SARDH: variants seen among roughly 807,000 people sequenced by gnomAD.
SARDH encodes sarcosine dehydrogenase, mitochondrial.
SARDH carries 95 observed loss-of-function variants against 109.1 expected under a neutral mutation model. The ratio of observed to expected loss-of-function variants is 0.87; its 90% CI spans 0.74 to 1.03. The LOEUF is 1.03. Among genes scored for constraint, SARDH ranks in the 50% least tolerant of loss-of-function variants. The pLI, the probability that SARDH is intolerant of heterozygous loss-of-function variation, is 0.00. For missense variants in SARDH, 1,267 were observed against 1,287.8 expected (o/e 0.98, Z 0.25); for synonymous variants, 572 against 534.8 (o/e 1.07, Z -0.96).
At chr9:133,713,267 G>A (rs1000533106) in intron 8 of SARDH, 143 bp from the exon 9 acceptor site, 7 of 665,174 alleles carry the variant, frequency 1.1e-5, no homozygotes, top group East Asian at 2.7e-5. Context: ...CCTGCTCAGC[G>A]CCACTTCCTC....
At chr9:133,683,022 C>T (rs1359878334) in intron 17 of SARDH, among the ~76,000 whole-genome samples, 1 of 152,240 alleles carries the variant, frequency 6.6e-6, no homozygotes, top group Non-Finnish European at 1.5e-5. Flanking sequence ...GCGGCCCCTG[C>T]ACCCCCTGCA....
chr9:133,731,556 GGCATCCACC>G, intron 3 of SARDH, 72 bp from the exon 4 acceptor site: 2 of 1,477,486 alleles, frequency 1.4e-6, no homozygotes, highest in Non-Finnish European at 1.9e-6. Context: ...TCCCCAACTG[GGCATCCACC>G]GCAAACCCCA....
intron 6 of SARDH, among the ~76,000 whole-genome samples, chr9:133,726,824 C>G (rs183295008): frequency 3.5e-4 from 54 of 152,312 alleles, no homozygotes; most frequent in African/African-American, 1.3e-3. Flanking sequence ...ACTTCACAAC[C>G]CTCTGTCCTT....
intron 19 of SARDH, among the ~76,000 whole-genome samples, chr9:133,667,354 T>TG: frequency 6.6e-6 from 1 of 151,582 alleles, no homozygotes; most frequent in East Asian, 1.9e-4. Context: ...TTAATAGAGA[T>TG]GGGGTTTCAT....
chr9:133,675,980 C>G (rs1830496504), intron 17 of SARDH, among the ~76,000 whole-genome samples: 1 of 151,930 alleles, frequency 6.6e-6, no homozygotes, highest in Non-Finnish European at 1.5e-5. Context: ...GTAGTCCCAG[C>G]TACTTGGAAG....
Position 133,712,591 on chromosome 9 carries a change from C to T in SARDH, c.1328+28G>A, listed in dbSNP as rs905163419. On this transcript the variant is annotated intron_variant, in intron 10 of 20. Transcript: ENST00000439388. This position sits in a 1 kb window ranked among gnomAD's most constrained non-coding sequence, Gnocchi z 4.1. ...CGCCACCTGTCCTGAGTGGCGGGCC[C>T]TGCCCTTAGGTCCCAATGGGCACTT... The T allele has an allele frequency of 5.1e-6, 8 of 1,584,012 alleles. No homozygotes were observed. The highest frequency in any genetic ancestry group is 3.3e-5 in the Admixed American group (2 of 59,782).
At chr9:133,685,350 G>A in intron 16 of SARDH, 64 bp from the exon 17 acceptor site, 1 of 1,371,486 alleles carries the variant, frequency 7.3e-7, no homozygotes, top group Non-Finnish European at 1.0e-6. Flanking sequence ...GGCAGGAAAG[G>A]CCCCGGGGAC....
Position 133,671,660 on chromosome 9 carries a change from C to T in SARDH, c.2201G>A (p.Gly734Asp). The T allele has an allele frequency of 6.3e-7, 1 of 1,590,458 alleles. No homozygotes were observed. Among genetic ancestry groups the T allele is most frequent in the African/African-American group, 1.3e-5 (1 of 74,576 alleles). ...CGCCTTTGGAATGTGCAGCTCCCAG[C>T]CCAGCTCCCCCACAAAGGACAGCCG... ...AMRLSFVGEL[G>D]WELHIPKASC... The change falls in exon 18 of 21, where the codon GGC (glycine) becomes GAC (aspartate). Residue 734 changes from glycine to aspartate, a missense_variant. By Grantham distance (94) the Gly-to-Asp change is moderately conservative. Coordinates refer to ENST00000439388, the MANE Select transcript of SARDH (RefSeq NM_001134707.2).
At chr9:133,711,058 C>A (rs375998823) in intron 10 of SARDH, among the ~76,000 whole-genome samples, 131 of 152,360 alleles carry the variant, frequency 8.6e-4, no homozygotes, top group African/African-American at 2.8e-3. Context: ...CGCCAAAGTC[C>A]CAGTGATGGA....
rs370787891 is a variant in SARDH, at chr9:133,702,937, G to C, written c.1647C>G (p.Ala549=). The C allele has an allele frequency of 1.9e-6, 3 of 1,612,648 alleles. No homozygotes were observed. Among genetic ancestry groups the C allele is most frequent in the Non-Finnish European group, 2.5e-6 (3 of 1,179,974 alleles). ...GCACCGTGTCGTGGTGGGGCGGGAA[G>C]GCGAAGGTGTACTCGTCTGCCAGCA... ...RRLLADEYTF[A]FPPHHDTIKK... is the part of the protein sequence containing the mutation. The change falls in exon 13 of 21, where the codon GCC becomes GCG. Residue 549 remains alanine (A), a synonymous_variant. Coordinates refer to ENST00000439388, the MANE Select transcript of SARDH (RefSeq NM_001134707.2).
At position 133,696,241 on chromosome 9, in the gene SARDH, C is replaced by T. The variant is rs766677530; in HGVS notation, c.1789G>A (p.Asp597Asn). The part of the protein sequence containing the change: ...RKAADWLFSA[D>N]VSRPPGSTVY... ...TCCATACCTGGGGGTCGGCTGACAT[C>T]TGCGGAGAAGAGCCAGTCGGCAGCC... The change falls in exon 14 of 21, where the codon GAT becomes AAT. Residue 597 changes from aspartate to asparagine, a missense_variant. Transcript: ENST00000439388. 8.1e-6 allele frequency: 13 copies of T among 1,613,976 alleles called. No homozygotes were observed. The highest frequency in any genetic ancestry group is 1.3e-5 in the African/African-American group (1 of 74,924).
rs397514504 is a variant in SARDH, at chr9:133,733,963, C to T, written c.211G>A (p.Val71Ile). 6.2e-7 allele frequency: 1 copy of T among 1,610,274 alleles called. No individual in the cohort carries two copies. Among genetic ancestry groups the T allele is most frequent in the Non-Finnish European group, 8.5e-7 (1 of 1,178,480 alleles). The change falls in exon 2 of 21, where the codon GTC (valine) becomes ATC (isoleucine). Residue 71 changes from valine to isoleucine, a missense_variant. By Grantham distance (29) the Val-to-Ile change is conservative. Transcript: ENST00000439388. ...CAGCCCAAGCTGCCTCCACCAATGA[C>T]CACCACGTTGGCCGTGCTGGGCAGG... Reference protein sequence around the residue: ...RPLPSTANVVVIGGGSLGCQT... With the variant: ...RPLPSTANVVIIGGGSLGCQT...
At chr9:133,672,664 C>T (rs1027703424) in intron 17 of SARDH, among the ~76,000 whole-genome samples, 2 of 152,332 alleles carry the variant, frequency 1.3e-5, no homozygotes, top group African/African-American at 4.8e-5. Context: ...GGCCCAGCAC[C>T]GGGCTCTGAA....
chr9:133,711,084 C>G (rs181334188), intron 10 of SARDH, among the ~76,000 whole-genome samples: 1 of 152,236 alleles, frequency 6.6e-6, no homozygotes, highest in Non-Finnish European at 1.5e-5. Context: ...GACAGCTGAC[C>G]GAGGGAGGCC....
chr9:133,711,487 G>A (rs551979252), intron 10 of SARDH, among the ~76,000 whole-genome samples: 48 of 152,366 alleles, frequency 3.2e-4, no homozygotes, highest in Admixed American at 9.1e-4. Context: ...GCTTGGGAGA[G>A]TGCAGGGGCG....
intron 13 of SARDH, among the ~76,000 whole-genome samples, chr9:133,701,694 G>A (rs1237943918): frequency 1.3e-5 from 2 of 152,196 alleles, no homozygotes; most frequent in Non-Finnish European, 2.9e-5. Context: ...CAAGGGACTC[G>A]GGCACTGAGC....
rs147109790 is a variant in SARDH, at chr9:133,717,915, G to A, written c.1021-460C>T. Among the ~76,000 whole-genome samples the A allele has an allele frequency of 2.2e-4, 34 of 152,220 alleles. 1 individual carries two copies. Among genetic ancestry groups the A allele is most frequent in the East Asian group, 7.7e-4 (4 of 5,174 alleles). ...AGACCTGGCACGCTGGTTTGTTGTCGCGGTGCAGGGCTCTGCTTGGATGTC... is the reference window on the plus strand; with the variant it reads ...AGACCTGGCACGCTGGTTTGTTGTCACGGTGCAGGGCTCTGCTTGGATGTC... On this transcript the variant is annotated intron_variant, in intron 7 of 20. Transcript: ENST00000439388.
Position 133,693,861 on chromosome 9 carries a change from G to C in SARDH, c.1921+397C>G, listed in dbSNP as rs926270303. 6.6e-6 allele frequency among the ~76,000 whole-genome samples: 1 copy of C among 152,240 alleles called. No homozygotes were observed. The highest frequency in any genetic ancestry group is 2.4e-5 in the African/African-American group (1 of 41,468). On this transcript the variant is annotated intron_variant, in intron 15 of 20. Transcript: ENST00000439388. This position sits in a 1 kb window ranked among gnomAD's most constrained non-coding sequence, Gnocchi z 5.6. ...GGGCCTATCCAAGCTCCAGACTAGAGGGTCACACGGGCCTGAGAAGTCAAC... is the reference window on the plus strand; with the variant it reads ...GGGCCTATCCAAGCTCCAGACTAGACGGTCACACGGGCCTGAGAAGTCAAC...
rs557499179 is a variant in SARDH, at chr9:133,692,174, C to T, written c.1922-1647G>A. Among the ~76,000 whole-genome samples the T allele has an allele frequency of 2.0e-5, 3 of 152,238 alleles. No individual in the cohort carries two copies. The highest frequency in any genetic ancestry group is 4.1e-4 in the South Asian group (2 of 4,820). ...AATTCTCCATCGCAGCCCCGGGAGG[C>T]GCGTCTTCCTCACTCCATTCCACCA... On this transcript the variant is annotated intron_variant, in intron 15 of 20. Transcript: ENST00000439388. This position sits in a 1 kb window ranked among gnomAD's most constrained non-coding sequence, Gnocchi z 5.0.
Sources: allele counts gnomAD v4.1 joint callset (sites outside exome capture counted in the v4.1 genomes callset), GRCh38; gene constraint gnomAD v4.1.1; non-coding constraint Gnocchi (gnomAD v3.1); transcripts MANE v1.5; gene names NCBI Gene and HGNC (gene_info 2026-07-23, HGNC 2026-07-21).